USP31: variants seen among roughly 807,000 people sequenced by gnomAD.
USP31 encodes ubiquitin carboxyl-terminal hydrolase 31.
Under a neutral mutation model 119.4 loss-of-function variants are expected in USP31, and 44 were observed. The ratio of observed to expected loss-of-function variants is 0.37; its 90% CI spans 0.29 to 0.47. The LOEUF (loss-of-function observed/expected upper bound fraction) is 0.47. Ranked by LOEUF, USP31 falls within the 20% of genes least tolerant of loss-of-function variation. USP31 has a pLI of 0.99. For missense variants in USP31, 1,643 were observed against 1,730.2 expected (o/e 0.95, Z 0.89); for synonymous variants, 749 against 705.6 (o/e 1.06, Z -0.97).
At chr16:23,134,441 C>G (rs1375604979) in intron 1 of USP31, among the ~76,000 whole-genome samples, 1 of 152,068 alleles carries the variant, frequency 6.6e-6, no homozygotes. Context: ...CCTTATGAAA[C>G]AGATATACTC....
intron 1 of USP31, among the ~76,000 whole-genome samples, chr16:23,129,124 T>C (rs1389081559): frequency 2.0e-5 from 3 of 152,176 alleles, no homozygotes; most frequent in Admixed American, 6.6e-5. Context: ...CCACAATAGA[T>C]TGGAAATTTT....
chr16:23,068,184 G>C lies in USP31; in HGVS notation c.3921C>G (p.Ser1307=). The change falls in exon 16 of 16, where the codon TCC becomes TCG. Residue 1307 remains serine (S), a synonymous_variant. Coordinates refer to ENST00000219689, the MANE Select transcript of USP31 (RefSeq NM_020718.4). ...GTTGGGAAGACTTGGATTTGCGAGC[G>C]GACAGCAGGGAATGTTTGGCAGAAG... ...DPASAKHSLL[S]ARKSKSSQLD... The C allele has an allele frequency of 6.2e-7, 1 of 1,614,156 alleles. No individual in the cohort carries two copies. The highest frequency in any genetic ancestry group is 8.5e-7 in the Non-Finnish European group (1 of 1,180,034).
intron 1 of USP31, among the ~76,000 whole-genome samples, chr16:23,145,484 C>T (rs1903478874): frequency 6.6e-6 from 1 of 152,200 alleles, no homozygotes; most frequent in Non-Finnish European, 1.5e-5. Context: ...TGCCCACCCT[C>T]CAGCCTCCGT....
intron 1 of USP31, among the ~76,000 whole-genome samples, chr16:23,146,329 G>A (rs190976242): frequency 1.4e-4 from 21 of 152,110 alleles, no homozygotes; most frequent in African/African-American, 4.6e-4. Context: ...GGTGGCTCAC[G>A]CCTGTAATCT....
intron 1 of USP31, among the ~76,000 whole-genome samples, chr16:23,129,585 G>A (rs529888551): frequency 6.6e-6 from 1 of 152,304 alleles, no homozygotes; most frequent in East Asian, 1.9e-4. Context: ...CAAATTGGTA[G>A]TTGTTGAAGC....
At chr16:23,134,105 AC>A in intron 1 of USP31, among the ~76,000 whole-genome samples, 1 of 151,900 alleles carries the variant, frequency 6.6e-6, no homozygotes, top group African/African-American at 2.4e-5. Flanking sequence ...ACACACACAC[AC>A]ACACACACAC....
chr16:23,077,357 C>T (rs988104280), intron 13 of USP31, among the ~76,000 whole-genome samples: 1 of 152,144 alleles, frequency 6.6e-6, no homozygotes, highest in Non-Finnish European at 1.5e-5. Context: ...AGAACTTGAA[C>T]TAAAAGGGTT....
chr16:23,084,760 G>A (rs1901019892), intron 11 of USP31, 100 bp downstream of exon 11: 1 of 1,513,860 alleles, frequency 6.6e-7, no homozygotes, highest in South Asian at 1.2e-5. Context: ...GCAAAATCCT[G>A]CGGCGACTTC....
intron 2 of USP31, 46 bp downstream of exon 2, chr16:23,108,000 C>T: frequency 3.2e-6 from 5 of 1,565,668 alleles, no homozygotes; most frequent in Admixed American, 1.9e-5. Context: ...AGAATCTACA[C>T]ACTCTCATGG....
chr16:23,094,494 T>C (rs1489751399), intron 6 of USP31, among the ~76,000 whole-genome samples: 1 of 152,160 alleles, frequency 6.6e-6, no homozygotes, highest in Non-Finnish European at 1.5e-5. Flanking sequence ...AAGAGAGCAG[T>C]GGTTCTCCCA....
intron 13 of USP31, among the ~76,000 whole-genome samples, chr16:23,076,518 T>C (rs1360821921): frequency 1.3e-5 from 2 of 152,142 alleles, no homozygotes; most frequent in African/African-American, 2.4e-5. Context: ...ACTAACATGG[T>C]AGCCAAATTA....
At chr16:23,120,422 C>T (rs954816120) in intron 1 of USP31, among the ~76,000 whole-genome samples, 1 of 152,192 alleles carries the variant, frequency 6.6e-6, no homozygotes, top group African/African-American at 2.4e-5. Context: ...AAACAAGAGA[C>T]AGACCTATGG....
Position 23,064,133 on chromosome 16 carries a change from T to C in USP31, c.*3913A>G, listed in dbSNP as rs954463924. 11 of 152,808 alleles carry C rather than the reference T, an allele frequency of 7.2e-5. No homozygotes were observed. In the East Asian group the frequency reaches 1.2e-3, roughly 16 times the overall value. 9.5% of individuals were successfully genotyped at this position (152,808 alleles called of 1,614,324 possible). A position where few individuals can be genotyped will look rare whatever the true frequency, so the allele number is the denominator to read the frequency against. On this transcript the variant is annotated 3_prime_UTR_variant, in exon 16 of 16. Coordinates refer to ENST00000219689, the MANE Select transcript of USP31 (RefSeq NM_020718.4). ...CCACGCACCTCCAGAATACGTGTTT[T>C]ATTGAAACTGTGCTTATGACTTGCA...
chr16:23,140,998 TG>T (rs1180014063), intron 1 of USP31, among the ~76,000 whole-genome samples: 5 of 152,230 alleles, frequency 3.3e-5, no homozygotes, highest in Non-Finnish European at 7.3e-5. Context: ...GCCTCCTGAC[TG>T]GTCTCTGCCT....
chr16:23,084,742 A>T, intron 11 of USP31, 118 bp downstream of exon 11: 1 of 1,367,390 alleles, frequency 7.3e-7, no homozygotes, highest in Non-Finnish European at 1.0e-6. Context: ...GTGCAGACTT[A>T]CATATATGCA....
intron 1 of USP31, among the ~76,000 whole-genome samples, chr16:23,126,236 T>C (rs1439994166): frequency 6.6e-6 from 1 of 150,606 alleles, no homozygotes; most frequent in Non-Finnish European, 1.5e-5. Context: ...GGTGGGAGGA[T>C]TGCTTGAGCC....
chr16:23,094,602 G>A (rs1260335316), intron 6 of USP31, among the ~76,000 whole-genome samples: 3 of 152,122 alleles, frequency 2.0e-5, no homozygotes, highest in East Asian at 1.9e-4. Flanking sequence ...AGTAGGAACC[G>A]ACAGACACCT....
chr16:23,080,711 T>G (rs937695323), intron 12 of USP31, among the ~76,000 whole-genome samples: 4 of 152,216 alleles, frequency 2.6e-5, no homozygotes, highest in African/African-American at 9.6e-5. Flanking sequence ...GGGAAATGCT[T>G]TGAAATCCAA....
chr16:23,087,929 A>C (rs1163079325), intron 7 of USP31, 94 bp from the exon 8 acceptor site: 2 of 1,106,446 alleles, frequency 1.8e-6, no homozygotes, highest in African/African-American at 3.1e-5. Flanking sequence ...CGGAATCACA[A>C]TATAATTGGC....
Sources: gnomAD v4.1 joint callset for allele counts (sites outside exome capture counted in the v4.1 genomes callset) on GRCh38, gnomAD v4.1.1 for gene constraint, MANE v1.5 for transcripts, NCBI Gene and HGNC (gene_info 2026-07-23, HGNC 2026-07-21) for gene names.